The following ENTPD1 variants were observed in gnomAD, a reference collection of about 807,000 sequenced individuals.
ENTPD1 encodes ectonucleoside triphosphate diphosphohydrolase 1, also known as ATP diphosphohydrolase.
In ENTPD1, 33 loss-of-function variants were observed where a neutral mutation model predicts 57.0. The ratio of observed to expected loss-of-function variants is 0.58; its 90% CI spans 0.44 to 0.77. The LOEUF is 0.77. ENTPD1 is among the 30% of genes least tolerant of loss of function. The pLI is 0.00. For missense variants in ENTPD1, 501 were observed against 603.4 expected (o/e 0.83, Z 1.78); for synonymous variants, 202 against 218.8 (o/e 0.92, Z 0.68).
intron 1 of ENTPD1, among the ~76,000 whole-genome samples, chr10:95,768,132 G>A (rs2098097791): frequency 6.6e-6 from 1 of 152,244 alleles, no homozygotes; most frequent in African/African-American, 2.4e-5. Context: ...TCAGTCTGTT[G>A]TAGCAGCACA....
chr10:95,871,104 T>C lies in ENTPD1; in HGVS notation c.*4721T>C. ...CACTTCTGTCACAGGCTATTGTAAGTCATATGAGCAAGCTCAATAAAATAT... is the reference window on the plus strand; with the variant it reads ...CACTTCTGTCACAGGCTATTGTAAGCCATATGAGCAAGCTCAATAAAATAT... On this transcript the variant is annotated 3_prime_UTR_variant, in exon 10 of 10. Coordinates refer to ENST00000371205, the MANE Select transcript of ENTPD1 (RefSeq NM_001776.6). 2.0e-6 allele frequency: 2 copies of C among 985,410 alleles called. No individual in the cohort carries two copies. The highest frequency in any genetic ancestry group is 2.4e-6 in the Non-Finnish European group (2 of 829,938). The allele number at this position is 985,410 out of a possible 1,614,324, so 61.0% of individuals were successfully genotyped here.
chr10:95,823,273 T>G lies in ENTPD1; in HGVS notation c.53T>G (p.Leu18Arg). The change falls in exon 2 of 10, where the codon CTA becomes CGA. Residue 18 changes from leucine (L) to arginine (R), a missense_variant. Physicochemically the swap from Leu to Arg is moderately radical, Grantham distance 102. Transcript: ENST00000371205. ...AAGACATTTTGCTCCAAGAATATCC[T>G]AGCCATCCTTGGCTTCTCCTCTATC... is the stretch of plus-strand genomic sequence containing the variant. ...NVKTFCSKNI[L>R]AILGFSSIIA... 6.2e-7 allele frequency: 1 copy of G among 1,614,180 alleles called. No individual in the cohort carries two copies. Among genetic ancestry groups the G allele is most frequent in the East Asian group, 2.2e-5 (1 of 44,876 alleles).
intron 1 of ENTPD1, among the ~76,000 whole-genome samples, chr10:95,784,709 G>A (rs911042525): frequency 1.3e-5 from 2 of 152,156 alleles, no homozygotes; most frequent in African/African-American, 4.8e-5. Context: ...CCTCAGGCTG[G>A]CAGACAATGA....
In ENTPD1 at chr10:95,866,207, G is replaced by T; in HGVS notation, c.1357G>T (p.Gly453Cys). 6.2e-7 allele frequency: 1 copy of T among 1,613,992 alleles called. No individual in the cohort carries two copies. Among genetic ancestry groups the T allele is most frequent in the Non-Finnish European group, 8.5e-7 (1 of 1,179,990 alleles). ...IQGSDAGWTL[G>C]YMLNLTNMIP... ...GGGCAGCGACGCCGGCTGGACTTTG[G>T]GCTACATGCTGAACCTGACCAACAT... The change falls in exon 10 of 10, where the codon GGC becomes TGC. Residue 453 changes from glycine (G) to cysteine (C), a missense_variant. By Grantham distance (159) the Gly-to-Cys change is radical (BLOSUM62 -3). Transcript: ENST00000371205.
rs1429251770 is a variant in ENTPD1, at chr10:95,722,726, C to CT, written c.37+10734dup. Among the ~76,000 whole-genome samples the CT allele has an allele frequency of 2.0e-5, 3 of 152,258 alleles. No individual in the cohort carries two copies. The East Asian group carries it at 5.8e-4, about 29-fold the overall frequency. On this transcript the variant is annotated intron_variant, in intron 1 of 9. Coordinates refer to the ENTPD1 transcript ENST00000453258. ...TTCTCAATCACCTGGGAGGAAACCT[C>CT]TATCGTCCTGTCCTGAAGGGAGTTC...
intron 1 of ENTPD1, among the ~76,000 whole-genome samples, chr10:95,819,772 C>G (rs561604113): frequency 6.6e-6 from 1 of 152,198 alleles, no homozygotes; most frequent in Admixed American, 6.5e-5. Context: ...AGGAAGTGGC[C>G]GTCTTAAATT....
chr10:95,857,916 C>T (rs1183326115), intron 7 of ENTPD1, among the ~76,000 whole-genome samples: 1 of 152,120 alleles, frequency 6.6e-6, no homozygotes, highest in African/African-American at 2.4e-5. Flanking sequence ...AATCCCAGCA[C>T]TTTGGGAGGC....
At chr10:95,778,838 C>T (rs928651400) in intron 1 of ENTPD1, among the ~76,000 whole-genome samples, 2 of 151,914 alleles carry the variant, frequency 1.3e-5, no homozygotes, top group Non-Finnish European at 2.9e-5. Context: ...ATGTTGAAGA[C>T]CTTTTCACAT....
chr10:95,856,651 C>CATATATATATATATATATATGTATGCAT (rs2098455357), intron 7 of ENTPD1, among the ~76,000 whole-genome samples: 1 of 142,210 alleles, frequency 7.0e-6, no homozygotes, highest in African/African-American at 2.6e-5. Flanking sequence ...TATATGTATG[C>CATATATATATATATATATATGTATGCAT]ATATATATAT....
At chr10:95,808,410 T>C (rs2140406593) in intron 1 of ENTPD1, among the ~76,000 whole-genome samples, 1 of 152,358 alleles carries the variant, frequency 6.6e-6, no homozygotes, top group Middle Eastern at 3.4e-3. Context: ...CAGGTTTTGG[T>C]ATCAGGATGA....
In ENTPD1 at chr10:95,876,927, CATT is replaced by C. The variant is rs2098486295; in HGVS notation, c.*10547_*10549del. Among the ~76,000 whole-genome samples, 1 of 152,180 alleles carries C rather than the reference CATT, an allele frequency of 6.6e-6. No homozygotes were observed. Among genetic ancestry groups the C allele is most frequent in the African/African-American group, 2.4e-5 (1 of 41,436 alleles). On this transcript the variant is annotated 3_prime_UTR_variant, in exon 10 of 10. Coordinates refer to ENST00000371205, the MANE Select transcript of ENTPD1 (RefSeq NM_001776.6). ...GTCAAATGGTGAAGGTGGGCAGAAT[CATT>C]ATGTGATGCAACATGGCAAAAGTAT...
intron 1 of ENTPD1, among the ~76,000 whole-genome samples, chr10:95,784,102 C>CTTTTTTT (rs200561277): frequency 3.0e-5 from 4 of 134,590 alleles, no homozygotes; most frequent in Non-Finnish European, 3.2e-5. Context: ...TTTGCTTGTT[C>CTTTTTTT]TTTTTTTTTT....
intron 1 of ENTPD1, among the ~76,000 whole-genome samples, chr10:95,776,516 T>A (rs999448067): frequency 6.6e-6 from 1 of 152,246 alleles, no homozygotes; most frequent in Non-Finnish European, 1.5e-5. Flanking sequence ...CCACTGTGAG[T>A]CTGATGGGCT....
chr10:95,844,073 T>C (rs3181124), intron 4 of ENTPD1, among the ~76,000 whole-genome samples: 75,363 of 151,962 alleles, frequency 0.5, 19,213 homozygotes, highest in Admixed American at 0.6. Context: ...AGTCTGGCCA[T>C]GTAACCAGCT....
Position 95,857,168 on chromosome 10 carries a change from T to C in ENTPD1, c.1075-3301T>C, listed in dbSNP as rs549552032. Among the ~76,000 whole-genome samples the C allele has an allele frequency of 7.2e-5, 11 of 152,298 alleles. No individual in the cohort carries two copies. The South Asian group carries it at 2.1e-3, about 29-fold the overall frequency. On this transcript the variant is annotated intron_variant, in intron 7 of 9. Transcript: ENST00000371205. Reference sequence around the variant, plus strand: ...GGAAATTTTTCAAGAGCCGATGGCATGTAGTGTCTTGGGGGGTTGGAGGTG... The same window carrying C: ...GGAAATTTTTCAAGAGCCGATGGCACGTAGTGTCTTGGGGGGTTGGAGGTG...
chr10:95,697,715 G>A, the ENTPD1 span, among the ~76,000 whole-genome samples: 1 of 152,274 alleles, frequency 6.6e-6, no homozygotes, highest in Middle Eastern at 3.4e-3. Context: ...CAGCAAGAAG[G>A]TTCTTAAGAG....
In ENTPD1 at chr10:95,871,641, A is replaced by G; in HGVS notation, c.*5258A>G. The G allele has an allele frequency of 2.0e-6, 2 of 985,384 alleles. No homozygotes were observed. Among genetic ancestry groups the G allele is most frequent in the Non-Finnish European group, 2.4e-6 (2 of 829,884 alleles). 61.0% of individuals were successfully genotyped at this position (985,384 alleles called of 1,614,324 possible). A position where few individuals can be genotyped will look rare whatever the true frequency, so the allele number is the denominator to read the frequency against. On this transcript the variant is annotated 3_prime_UTR_variant, in exon 10 of 10. Coordinates refer to ENST00000371205, the MANE Select transcript of ENTPD1 (RefSeq NM_001776.6). ...GTGGCATTCAAGACTCTTCATTTGA[A>G]GTGAAGATTGCTATGTCTTTTGCAT...
At chr10:95,826,402 A>G (rs191952328) in intron 2 of ENTPD1, among the ~76,000 whole-genome samples, 1 of 151,956 alleles carries the variant, frequency 6.6e-6, no homozygotes, top group Admixed American at 6.6e-5. Context: ...GTGAAACCCA[A>G]TCTCTACTAA....
upstream of ENTPD1, among the ~76,000 whole-genome samples, chr10:95,709,281 A>T (rs2097963730): frequency 6.6e-6 from 1 of 152,118 alleles, no homozygotes; most frequent in Non-Finnish European, 1.5e-5. Context: ...ATTTTAATGC[A>T]TGTGTAGTTT....
Sources: gnomAD v4.1 joint callset for allele counts (sites outside exome capture counted in the v4.1 genomes callset) on GRCh38, gnomAD v4.1.1 for gene constraint, MANE v1.5 for transcripts, NCBI Gene and HGNC (gene_info 2026-07-23, HGNC 2026-07-21) for gene names.